The following AGBL1 variants were observed in gnomAD, a reference collection of about 807,000 sequenced individuals.
AGBL1 encodes cytosolic carboxypeptidase 4.
Under a neutral mutation model 118.9 loss-of-function variants are expected in AGBL1, and 130 were observed. The ratio of observed to expected loss-of-function variants is 1.09; its 90% CI spans 0.95 to 1.26. The LOEUF is 1.26. Ranked by LOEUF, AGBL1 falls within the 50% of genes most tolerant of loss-of-function variation. The probability of loss-of-function intolerance (pLI) is 0.00; values close to 1 mark genes in which losing one functional copy is unlikely to be tolerated. For synonymous variants in AGBL1, 555 were observed against 478.9 expected, an observed-to-expected ratio of 1.16 and a Z score of -2.08; for missense variants, 1,584 against 1,298.1, an observed-to-expected ratio of 1.22 and a Z score of -3.38.
chr15:86,532,240 C>T (rs1358836133), intron 19 of AGBL1, among the ~76,000 whole-genome samples: 2 of 151,434 alleles, frequency 1.3e-5, no homozygotes, highest in African/African-American at 4.9e-5. Context: ...TCTCCTTAAG[C>T]TGATAAGCAA....
intron 22 of AGBL1, among the ~76,000 whole-genome samples, chr15:86,729,454 G>T (rs921957382): frequency 6.6e-6 from 1 of 152,136 alleles, no homozygotes; most frequent in African/African-American, 2.4e-5. Context: ...GTAGTCCCCA[G>T]TGTCTACCGT....
intron 22 of AGBL1, among the ~76,000 whole-genome samples, chr15:86,883,749 A>G (rs2079929468): frequency 6.6e-6 from 1 of 152,180 alleles, no homozygotes; most frequent in South Asian, 2.1e-4. Context: ...TTCTAAATTA[A>G]TGAATAGATA....
intron 5 of AGBL1, among the ~76,000 whole-genome samples, chr15:86,164,953 C>A (rs1361575600): frequency 1.3e-5 from 2 of 152,212 alleles, no homozygotes; most frequent in Non-Finnish European, 2.9e-5. Context: ...CTCACCCTCA[C>A]AGAGGATAAC....
intron 12 of AGBL1, 40 bp from the exon 13 acceptor site, chr15:86,266,950 T>C (rs1190065126): frequency 1.4e-6 from 2 of 1,392,246 alleles, no homozygotes; most frequent in Non-Finnish European, 2.0e-6. Flanking sequence ...CAAAGAGTAG[T>C]GATAACACAT....
intron 22 of AGBL1, among the ~76,000 whole-genome samples, chr15:86,754,344 T>G (rs768674701): frequency 2.6e-5 from 4 of 152,108 alleles, no homozygotes; most frequent in Non-Finnish European, 5.9e-5. Flanking sequence ...AGCAACTTGA[T>G]TTTTGGAACT....
At chr15:86,080,627 T>G (rs1895205296) in intron 1 of AGBL1, among the ~76,000 whole-genome samples, 1 of 152,222 alleles carries the variant, frequency 6.6e-6, no homozygotes. Flanking sequence ...AGAATTCTTG[T>G]TCTACAGCAG....
At chr15:86,469,609 T>G (rs1266705585) in intron 18 of AGBL1, among the ~76,000 whole-genome samples, 3 of 152,178 alleles carry the variant, frequency 2.0e-5, no homozygotes, top group African/African-American at 7.2e-5. Flanking sequence ...GAAGGGGGAT[T>G]GCTGGATCAT....
intron 18 of AGBL1, among the ~76,000 whole-genome samples, chr15:86,420,684 C>T (rs957120168): frequency 6.6e-6 from 1 of 152,136 alleles, no homozygotes; most frequent in Non-Finnish European, 1.5e-5. Context: ...GGAGCATATT[C>T]TAACCCAATG....
At chr15:86,103,547 C>T (rs150465861) in intron 1 of AGBL1, among the ~76,000 whole-genome samples, 20 of 152,248 alleles carry the variant, frequency 1.3e-4, no homozygotes, top group African/African-American at 3.6e-4. Context: ...TGTTGGTTAG[C>T]TAGGACACTT....
At chr15:86,320,098 T>C (rs2080081678) in intron 17 of AGBL1, among the ~76,000 whole-genome samples, 1 of 152,148 alleles carries the variant, frequency 6.6e-6, no homozygotes, top group Non-Finnish European at 1.5e-5. Context: ...CTTTCACTTC[T>C]AAATAAATTT....
At chr15:86,508,601 T>C (rs1370537320) in intron 18 of AGBL1, among the ~76,000 whole-genome samples, 2 of 152,088 alleles carry the variant, frequency 1.3e-5, no homozygotes, top group Admixed American at 1.3e-4. Context: ...CTTTTTCTCC[T>C]CTTATTTTTA....
At chr15:86,161,540 C>T (rs2077267289) in intron 5 of AGBL1, among the ~76,000 whole-genome samples, 1 of 152,184 alleles carries the variant, frequency 6.6e-6, no homozygotes, top group African/African-American at 2.4e-5. Flanking sequence ...CAGTCTATTT[C>T]CAGCATTTTA....
intron 23 of AGBL1, among the ~76,000 whole-genome samples, chr15:86,968,989 C>T (rs1468980796): frequency 2.6e-5 from 4 of 151,976 alleles, no homozygotes; most frequent in African/African-American, 7.2e-5. Context: ...CTTTTAATAC[C>T]ATCACTTTAG....
rs914138768 is a variant in AGBL1, at chr15:86,170,100, G to A, written c.488+11074G>A. On this transcript the variant is annotated intron_variant, in intron 5 of 22. Transcript: ENST00000614907. ...ACTGAGATAGATGTTATAATTATTA[G>A]GCAAGAACATTAAAGAGCTATTCTA... Among the ~76,000 whole-genome samples, 3 of 152,064 alleles carry A rather than the reference G, an allele frequency of 2.0e-5. No individual in the cohort carries two copies. The South Asian group carries it at 6.2e-4, about 32-fold the overall frequency.
intron 22 of AGBL1, among the ~76,000 whole-genome samples, chr15:86,714,946 T>C (rs2086615821): frequency 6.6e-6 from 1 of 152,156 alleles, no homozygotes; most frequent in African/African-American, 2.4e-5. Flanking sequence ...ACTTTAAATT[T>C]TTGGATTATT....
chr15:86,768,098 A>G (rs1043757627), intron 22 of AGBL1, among the ~76,000 whole-genome samples: 4 of 151,860 alleles, frequency 2.6e-5, no homozygotes, highest in African/African-American at 9.7e-5. Flanking sequence ...ATCCTCAATC[A>G]TTGCTCCACA....
chr15:86,866,684 T>C (rs141744732), intron 22 of AGBL1, among the ~76,000 whole-genome samples: 1,704 of 152,230 alleles, frequency 0.011, 22 homozygotes, highest in Non-Finnish European at 0.018. Flanking sequence ...TAAAACCCCG[T>C]CTCTACTAAA....
chr15:86,355,599 G>A (rs2080700946), intron 17 of AGBL1, among the ~76,000 whole-genome samples: 1 of 152,164 alleles, frequency 6.6e-6, no homozygotes, highest in African/African-American at 2.4e-5. Flanking sequence ...AATATTATAT[G>A]TATGTATCTG....
rs752118819 is a variant in AGBL1, at chr15:86,909,057, T to A, written c.*1763T>A. On this transcript the variant is annotated 3_prime_UTR_variant, in exon 23 of 23. Transcript: ENST00000614907. ...TGAAGCATCAGTCACTGCATCTGCA[T>A]CCCAGGCAGTAGCAAGAAGAACACA... The A allele has an allele frequency of 6.6e-6, 1 of 152,228 alleles. No homozygotes were observed. Among genetic ancestry groups the A allele is most frequent in the Non-Finnish European group, 1.5e-5 (1 of 68,046 alleles). The allele number at this position is 152,228 out of a possible 1,614,324, so 9.4% of individuals were successfully genotyped here.
Sources: gnomAD v4.1 joint callset for allele counts (sites outside exome capture counted in the v4.1 genomes callset) on GRCh38, gnomAD v4.1.1 for gene constraint, MANE v1.5 for transcripts, NCBI Gene and HGNC (gene_info 2026-07-23, HGNC 2026-07-21) for gene names.